Variants in ERI2 observed in about 807,000 individuals in gnomAD.
The protein encoded by ERI2 is ERI1 exoribonuclease family member 2.
A neutral mutation model predicts 46.8 loss-of-function variants in ERI2; 35 were observed. The observed-to-expected ratio is 0.75, with a 90% CI of 0.57 to 0.99. The LOEUF is 0.99. Among genes scored for constraint, ERI2 ranks in the 50% least tolerant of loss-of-function variants. ERI2 has a pLI of 0.00. For synonymous variants in ERI2, 224 were observed against 271.0 expected, an observed-to-expected ratio of 0.83 and a Z score of 1.70; for missense variants, 695 against 796.2, an observed-to-expected ratio of 0.87 and a Z score of 1.53.
chr16:20,798,566 C>T lies in ERI2; in HGVS notation c.1234G>A (p.Val412Ile). The T allele has an allele frequency of 6.4e-7, 1 of 1,551,592 alleles. No homozygotes were observed. The highest frequency in any genetic ancestry group is 8.7e-7 in the Non-Finnish European group (1 of 1,146,910). The change falls in exon 9 of 9, where the codon GTT (valine) becomes ATT (isoleucine). Residue 412 changes from valine (V) to isoleucine (I), a missense_variant. By Grantham distance (29) the Val-to-Ile change is conservative (BLOSUM62 3). Coordinates refer to ENST00000357967, the MANE Select transcript of ERI2 (RefSeq NM_001142725.2). ...TCAGGCTGAGATGCTGGCAGTAAAA[C>T]CACATCCTCCCAATCAGCCAACACA... ...LPVLADWEDV[V>I]LLPASQPEEN...
chr16:20,799,841 G>GT (rs901267153), intron 7 of ERI2, 116 bp downstream of exon 7: 67,009 of 487,758 alleles, frequency 0.14, 1 homozygote, highest in South Asian at 0.18. Context: ...TAGATTAGGA[G>GT]TTTTTTTTTT....
At chr16:20,806,061 T>C in intron 1 of ERI2, 1 of 1,223,738 alleles carries the variant, frequency 8.2e-7, no homozygotes, top group Non-Finnish European at 1.0e-6. Context: ...ACAGATTCAG[T>C]GTGTGGCCTG....
chr16:20,792,236 C>T (rs141598766), downstream of ERI2: 397 of 1,614,100 alleles, frequency 2.5e-4, 2 homozygotes, highest in African/African-American at 4.8e-3. Flanking sequence ...GTGTTTCTAG[C>T]TATCGAATTG....
intron 4 of ERI2, 107 bp from the exon 5 acceptor site, chr16:20,801,466 G>A: frequency 8.1e-7 from 1 of 1,242,010 alleles, no homozygotes; most frequent in African/African-American, 1.5e-5. Flanking sequence ...AATCAGAAAT[G>A]CCAAGTCATG....
intron 10 of ERI2, chr16:20,781,637 G>T: frequency 8.7e-7 from 1 of 1,147,448 alleles, no homozygotes. Context: ...ATTGTGCTGC[G>T]TCAACCAAAG....
chr16:20,789,603 G>C, intron 9 of ERI2: 1 of 1,365,264 alleles, frequency 7.3e-7, no homozygotes, highest in Non-Finnish European at 1.0e-6. Flanking sequence ...TATTTATCAA[G>C]AGGAAAAGAT....
Position 20,803,479 on chromosome 16 carries a change from T to C in ERI2, c.129A>G (p.Glu43=). ...GCTTCCCATCATTCCAGCATGTCGATTCAAAATCAATGACAATTAAGTAGT... is the reference window on the plus strand; with the variant it reads ...GCTTCCCATCATTCCAGCATGTCGACTCAAAATCAATGACAATTAAGTAGT... ...LFDYLIVIDF[E]STCWNDGKHH... The change falls in exon 3 of 9, where the codon GAA becomes GAG. Residue 43 remains glutamate, a synonymous_variant. Coordinates refer to ENST00000357967, the MANE Select transcript of ERI2 (RefSeq NM_001142725.2). The C allele has an allele frequency of 2.5e-6, 4 of 1,614,096 alleles. No individual in the cohort carries two copies. The highest frequency in any genetic ancestry group is 3.4e-6 in the Non-Finnish European group (4 of 1,179,932).
At chr16:20,783,331 G>C (rs2152471516) in intron 10 of ERI2, 1 of 152,290 alleles carries the variant, frequency 6.6e-6, no homozygotes, top group South Asian at 2.1e-4. Flanking sequence ...ACTCAGTACA[G>C]GTTGAGTATC....
In ERI2 at chr16:20,799,266, G is replaced by C. The variant is rs1301244610; in HGVS notation, c.729C>G (p.Asn243Lys). Reference sequence around the variant, plus strand: ...AAAAAGGCAAGACACTACTAACCTTGTTCAACGACCTTGTAATTTTCATTA... The same window carrying C: ...AAAAAGGCAAGACACTACTAACCTTCTTCAACGACCTTGTAATTTTCATTA... ...GCVMKITRSL[N>K]KVPTKKNFSI... The change falls in exon 8 of 9, where the codon AAC (asparagine) becomes AAG (lysine). Residue 243 changes from asparagine to lysine, a missense_variant. Transcript: ENST00000357967. 6.2e-6 allele frequency: 10 copies of C among 1,613,484 alleles called. No individual in the cohort carries two copies. Among genetic ancestry groups the C allele is most frequent in the Non-Finnish European group, 8.5e-6 (10 of 1,179,672 alleles).
At chr16:20,782,850 T>C (rs539492786) in intron 10 of ERI2, among the ~76,000 whole-genome samples, 1 of 152,266 alleles carries the variant, frequency 6.6e-6, no homozygotes, top group African/African-American at 2.4e-5. Context: ...TACAGATGAA[T>C]AGCTAGCCAG....
chr16:20,783,603 T>A (rs2080401024), intron 10 of ERI2: 1 of 152,208 alleles, frequency 6.6e-6, no homozygotes, highest in African/African-American at 2.4e-5. Flanking sequence ...TAAATATATT[T>A]AAACTGATGT....
chr16:20,806,108 G>A, intron 1 of ERI2: 1 of 1,321,082 alleles, frequency 7.6e-7, no homozygotes, highest in Non-Finnish European at 9.6e-7. Flanking sequence ...GCACTGTCAC[G>A]TCCAGTCGTT....
At chr16:20,806,291 G>C in intron 1 of ERI2, 117 bp downstream of exon 1, 1 of 1,468,758 alleles carries the variant, frequency 6.8e-7, no homozygotes, top group Non-Finnish European at 9.0e-7. Flanking sequence ...GCAGACGCCG[G>C]GGCTGCGGGG....
intron 10 of ERI2, chr16:20,789,405 A>C: frequency 9.3e-7 from 1 of 1,075,430 alleles, no homozygotes; most frequent in Non-Finnish European, 1.4e-6. Context: ...AATAAATGCT[A>C]GCTACTGGTA....
intron 10 of ERI2, chr16:20,781,094 C>T (rs372646398): frequency 1.2e-6 from 2 of 1,614,110 alleles, no homozygotes; most frequent in Non-Finnish European, 1.7e-6. Flanking sequence ...TATTCACACA[C>T]CATTTACCCC....
At position 20,799,254 on chromosome 16, in the gene ERI2, A is replaced by G; in HGVS notation, c.732+9T>C. On this transcript the variant is annotated intron_variant, in intron 8 of 8. Transcript: ENST00000357967. ...AGATGACAGAATAAAAAGGCAAGAC[A>G]CTACTAACCTTGTTCAACGACCTTG... 1.2e-6 allele frequency: 2 copies of G among 1,611,846 alleles called. No homozygotes were observed. The highest frequency in any genetic ancestry group is 1.7e-6 in the Non-Finnish European group (2 of 1,179,206).
downstream of ERI2, chr16:20,791,883 G>C: frequency 8.3e-7 from 1 of 1,200,190 alleles, no homozygotes; most frequent in Non-Finnish European, 1.2e-6. Context: ...AGCCAAGATC[G>C]TACTACTGCA....
At chr16:20,795,593 T>C (rs1175438579), downstream of ERI2, among the ~76,000 whole-genome samples, 1 of 152,232 alleles carries the variant, frequency 6.6e-6, no homozygotes, top group Admixed American at 6.5e-5. Context: ...AAGTGCAGGA[T>C]ACTTAATCAT....
At chr16:20,794,620 T>C (rs1222802868), downstream of ERI2, among the ~76,000 whole-genome samples, 1 of 152,256 alleles carries the variant, frequency 6.6e-6, no homozygotes, top group East Asian at 1.9e-4. Flanking sequence ...AGCCCACTTA[T>C]GGATTCTGGG....
Sources: allele counts gnomAD v4.1 joint callset (sites outside exome capture counted in the v4.1 genomes callset), GRCh38; gene constraint gnomAD v4.1.1; transcripts MANE v1.5; gene names NCBI Gene and HGNC (gene_info 2026-07-23, HGNC 2026-07-21).